The following DOCK2 variants were observed in gnomAD, a reference collection of about 807,000 sequenced individuals.
DOCK2 encodes dedicator of cytokinesis 2, also known as dedicator of cytokinesis protein 2.
DOCK2 carries 87 observed loss-of-function variants against 248.9 expected under a neutral mutation model. The ratio of observed to expected loss-of-function variants is 0.35; its 90% confidence interval spans 0.29 to 0.42. The LOEUF is 0.42. Among genes scored for constraint, DOCK2 ranks in the 10% least tolerant of loss-of-function variants. The pLI, the probability that DOCK2 is intolerant of heterozygous loss-of-function variation, is 1.00. For missense variants in DOCK2, 1,747 were observed against 2,300.2 expected (o/e 0.76, Z 4.92); for synonymous variants, 805 against 821.6 (o/e 0.98, Z 0.35).
chr5:169,841,960 A>G (rs1211091282), intron 27 of DOCK2, among the ~76,000 whole-genome samples: 6 of 152,172 alleles, frequency 3.9e-5, no homozygotes, highest in African/African-American at 1.4e-4. Flanking sequence ...AATGCATGAC[A>G]TGTGCCAGGC....
At chr5:169,958,699 T>C (rs771553785) in intron 27 of DOCK2, among the ~76,000 whole-genome samples, 4 of 152,132 alleles carry the variant, frequency 2.6e-5, no homozygotes, top group Non-Finnish European at 5.9e-5. Flanking sequence ...TGGTTAAGTA[T>C]GTATTAAGGC....
chr5:169,972,843 A>C (rs1320087738), intron 27 of DOCK2, among the ~76,000 whole-genome samples: 1 of 152,168 alleles, frequency 6.6e-6, no homozygotes, highest in Non-Finnish European at 1.5e-5. Context: ...TCCTTGCTGC[A>C]GTTAAGCACT....
In DOCK2 at chr5:170,055,510, T is replaced by TC. The variant is rs1165832503; in HGVS notation, c.4295+130dup. The TC allele has an allele frequency of 4.9e-6, 4 of 813,602 alleles. No individual in the cohort carries two copies. In the East Asian group the frequency reaches 1.1e-4, roughly 22 times the overall value. The allele number at this position is 813,602 out of a possible 1,614,324, so 50.4% of individuals were successfully genotyped here. ...TTCCTTCTCTATCTTAGCCAGTTTT[T>TC]CCCCCCTTTTCCTCTTGGGCAAAGA... On this transcript the variant is annotated intron_variant, in intron 42 of 51. Coordinates refer to ENST00000520908, the MANE Select transcript of DOCK2 (RefSeq NM_004946.3).
chr5:169,714,510 A>C (rs555292285), intron 19 of DOCK2, 53 bp downstream of exon 19: 2 of 1,595,472 alleles, frequency 1.3e-6, no homozygotes, highest in African/African-American at 2.7e-5. Context: ...AGAACTCTCC[A>C]TGTGGGTGGC....
chr5:169,932,308 A>G (rs1775793966), intron 27 of DOCK2, among the ~76,000 whole-genome samples: 1 of 152,204 alleles, frequency 6.6e-6, no homozygotes. Context: ...AAGGGACTGC[A>G]TGGAGTGGGA....
intron 1 of DOCK2, among the ~76,000 whole-genome samples, chr5:169,652,809 C>T (rs1050560377): frequency 2.0e-5 from 3 of 152,124 alleles, no homozygotes; most frequent in African/African-American, 7.2e-5. Context: ...TAGAGACTGG[C>T]GGTGGTCTCT....
chr5:169,820,034 G>A (rs1402023920), intron 26 of DOCK2, among the ~76,000 whole-genome samples: 1 of 152,212 alleles, frequency 6.6e-6, no homozygotes, highest in South Asian at 2.1e-4. Flanking sequence ...TAGCACAGCA[G>A]TCTGAGATCG....
chr5:169,996,061 C>A, intron 29 of DOCK2, 25 bp from the exon 30 acceptor site: 1 of 1,611,962 alleles, frequency 6.2e-7, no homozygotes, highest in South Asian at 1.1e-5. Flanking sequence ...CTCAGACAGT[C>A]TGGTAATTTT....
chr5:169,681,404 G>A (rs113397339), intron 6 of DOCK2, among the ~76,000 whole-genome samples: 10,868 of 151,136 alleles, frequency 0.072, 460 homozygotes, highest in South Asian at 0.13. Flanking sequence ...GATTACAGGC[G>A]TGAGTCACCG....
chr5:170,034,623 C>A, intron 35 of DOCK2, 68 bp downstream of exon 35: 1 of 1,583,570 alleles, frequency 6.3e-7, no homozygotes, highest in Non-Finnish European at 8.6e-7. Context: ...GGCTTTGGGT[C>A]TCACGATTGT....
At chr5:169,886,853 A>T (rs1773000319) in intron 27 of DOCK2, among the ~76,000 whole-genome samples, 1 of 152,176 alleles carries the variant, frequency 6.6e-6, no homozygotes, top group Non-Finnish European at 1.5e-5. Context: ...ACAGGCTATG[A>T]TTGTCTGAGG....
intron 27 of DOCK2, among the ~76,000 whole-genome samples, chr5:169,874,658 C>T (rs774459927): frequency 1.3e-5 from 2 of 152,080 alleles, no homozygotes; most frequent in African/African-American, 2.4e-5. Context: ...CCGTTCTTAG[C>T]GTTTGGTCCC....
At chr5:169,804,493 C>T (rs62384796) in intron 26 of DOCK2, among the ~76,000 whole-genome samples, 73 of 50,926 alleles carry the variant, frequency 1.4e-3, no homozygotes, top group East Asian at 4.1e-3. Flanking sequence ...TGTGCGCGCG[C>T]GCGTGCGCGT....
chr5:169,702,448 CTGGGTGACAGGGTCCGCCT>C, intron 14 of DOCK2, 21 bp downstream of exon 14: 1 of 1,613,104 alleles, frequency 6.2e-7, no homozygotes. Context: ...CACTGCTGCT[CTGGGTGACAGGGTCCGCCT>C]TGGGGGCCTC....
intron 27 of DOCK2, among the ~76,000 whole-genome samples, chr5:169,961,520 T>C (rs1472187804): frequency 6.6e-6 from 1 of 152,210 alleles, no homozygotes; most frequent in Non-Finnish European, 1.5e-5. Context: ...ATTCAGGCAC[T>C]GTGTTGGATG....
chr5:169,699,105 T>G lies in DOCK2; in HGVS notation c.1056-277T>G, dbSNP rs1414812248. Among the ~76,000 whole-genome samples, 7 of 118,374 alleles carry G rather than the reference T, an allele frequency of 5.9e-5. No individual in the cohort carries two copies. The Admixed American group carries it at 6.1e-4, about 10-fold the overall frequency. 77.7% of individuals were successfully genotyped at this position (118,374 alleles called of 152,430 possible). A position where few individuals can be genotyped will look rare whatever the true frequency, so the allele number is the denominator to read the frequency against. On this transcript the variant is annotated intron_variant, in intron 11 of 51. Transcript: ENST00000520908. ...AGGAGCAACTCTTGCTAAGCAGATA[T>G]GCATGTTGAAAGCTTTGGAATCCTA...
chr5:170,042,162 G>A, intron 38 of DOCK2, 30 bp downstream of exon 38: 1 of 1,582,570 alleles, frequency 6.3e-7, no homozygotes, highest in Non-Finnish European at 8.6e-7. Context: ...CCCCCGTGGG[G>A]ACCCTGGCCA....
chr5:169,684,634 G>A (rs1759852119), intron 8 of DOCK2, among the ~76,000 whole-genome samples: 1 of 152,166 alleles, frequency 6.6e-6, no homozygotes, highest in African/African-American at 2.4e-5. Flanking sequence ...AGTAGCATTG[G>A]CTAGAATAAA....
At chr5:170,008,348 C>T in intron 30 of DOCK2, 149 bp from the exon 31 acceptor site, 1 of 743,610 alleles carries the variant, frequency 1.3e-6, no homozygotes, top group African/African-American at 1.8e-5. Context: ...ATTTCAGAGT[C>T]AGTGCCAGTT....
Sources: allele counts gnomAD v4.1 joint callset (sites outside exome capture counted in the v4.1 genomes callset), GRCh38; gene constraint gnomAD v4.1.1; transcripts MANE v1.5; gene names NCBI Gene and HGNC (gene_info 2026-07-23, HGNC 2026-07-21).